Variants in SLC27A6 observed in about 807,000 individuals in gnomAD.
SLC27A6 encodes the protein long-chain fatty acid transport protein 6.
A neutral mutation model predicts 63.9 loss-of-function variants in SLC27A6; 74 were observed. The ratio of observed to expected loss-of-function variants is 1.16; its 90% CI spans 0.96 to 1.40. The LOEUF is 1.40. Ranked by LOEUF, SLC27A6 falls within the 40% of genes most tolerant of loss-of-function variation. The pLI is 0.00. For missense variants in SLC27A6, 794 were observed against 732.9 expected (o/e 1.08, Z -0.96); for synonymous variants, 287 against 260.8 (o/e 1.10, Z -0.97).
At chr5:129,005,014 C>T (rs1434136019) in intron 4 of SLC27A6, among the ~76,000 whole-genome samples, 1 of 152,176 alleles carries the variant, frequency 6.6e-6, no homozygotes, top group African/African-American at 2.4e-5. Context: ...TCCCTGGCCC[C>T]GCTAACTTTC....
chr5:129,011,614 A>G (rs1751729464), intron 4 of SLC27A6, among the ~76,000 whole-genome samples: 1 of 152,130 alleles, frequency 6.6e-6, no homozygotes, highest in Non-Finnish European at 1.5e-5. Context: ...CCTTCTGTTC[A>G]CATCTCATGT....
chr5:128,980,702 C>T (rs1750555977), intron 1 of SLC27A6, among the ~76,000 whole-genome samples: 1 of 152,134 alleles, frequency 6.6e-6, no homozygotes, highest in African/African-American at 2.4e-5. Flanking sequence ...TGTTGCTTTG[C>T]AGTATGGGAA....
chr5:128,988,991 A>G (rs967041598), intron 3 of SLC27A6, among the ~76,000 whole-genome samples: 1 of 152,156 alleles, frequency 6.6e-6, no homozygotes, highest in Non-Finnish European at 1.5e-5. Context: ...GGAGCTGGCT[A>G]TTGGCTGGGC....
At chr5:128,997,599 A>G (rs1751201465) in intron 4 of SLC27A6, among the ~76,000 whole-genome samples, 1 of 152,194 alleles carries the variant, frequency 6.6e-6, no homozygotes, top group African/African-American at 2.4e-5. Context: ...TATAAGTGCT[A>G]ATTTTAATAG....
chr5:128,966,769 G>T, intron 1 of SLC27A6, 151 bp downstream of exon 1: 1 of 828,774 alleles, frequency 1.2e-6, no homozygotes, highest in Non-Finnish European at 1.6e-6. Context: ...ATTCTATGCT[G>T]GTTTAACAAC....
At chr5:129,006,724 T>G (rs1181974) in intron 4 of SLC27A6, among the ~76,000 whole-genome samples, 37,005 of 152,068 alleles carry the variant, frequency 0.24, 5,714 homozygotes, top group Non-Finnish European at 0.35. Flanking sequence ...TTATGTAAAT[T>G]ATGTCATTTA....
chr5:128,986,760 A>G (rs1395664354), intron 2 of SLC27A6, among the ~76,000 whole-genome samples: 1 of 152,190 alleles, frequency 6.6e-6, no homozygotes, highest in Non-Finnish European at 1.5e-5. Flanking sequence ...TTAGGACAAA[A>G]GGAATGGAAC....
At chr5:128,969,561 CTGTT>C (rs1274162806) in intron 1 of SLC27A6, among the ~76,000 whole-genome samples, 3 of 152,100 alleles carry the variant, frequency 2.0e-5, no homozygotes, top group Admixed American at 6.6e-5. Context: ...ATTTGGCTCT[CTGTT>C]TGTCTGTTTT....
intron 1 of SLC27A6, among the ~76,000 whole-genome samples, chr5:128,980,378 A>C (rs896787074): frequency 6.6e-6 from 1 of 152,234 alleles, no homozygotes; most frequent in East Asian, 1.9e-4. Context: ...TGACTTGTCC[A>C]AGGTCACACA....
Position 128,994,434 on chromosome 5 carries a change from T to C in SLC27A6, c.969+3970T>C, listed in dbSNP as rs962669516. The stretch of plus-strand genomic sequence containing the variant: ...ACAAATTAGGAAAAGGAGAAAGTCA[T>C]TCTGTTATGACATCTTTTCCCTTCA... On this transcript the variant is annotated intron_variant, in intron 4 of 9. Transcript: ENST00000262462. Among the ~76,000 whole-genome samples the C allele has an allele frequency of 2.6e-5, 4 of 152,132 alleles. No individual in the cohort carries two copies. In the East Asian group the frequency reaches 5.8e-4, roughly 22 times the overall value.
At chr5:129,029,444 G>A in intron 8 of SLC27A6, 133 bp from the exon 9 acceptor site, 1 of 615,094 alleles carries the variant, frequency 1.6e-6, no homozygotes. Context: ...ATACAGACTA[G>A]TTTATGCTCC....
intron 4 of SLC27A6, among the ~76,000 whole-genome samples, chr5:129,004,866 C>T (rs1267308147): frequency 6.6e-6 from 1 of 152,190 alleles, no homozygotes. Context: ...TTTTAAAGCT[C>T]TCTTTGCTGA....
At position 128,985,009 on chromosome 5, in the gene SLC27A6, A is replaced by C. The variant is rs570690225; in HGVS notation, c.482-124A>C. On this transcript the variant is annotated intron_variant, in intron 1 of 9. Transcript: ENST00000262462. ...AAATGACTGTGATATTACTTATCCA[A>C]CATAAGAAGGAAATCAGCATTTTAT... is the stretch of plus-strand genomic sequence containing the variant. 295 of 676,692 alleles carry C rather than the reference A, an allele frequency of 4.4e-4. 7 individuals are homozygous for C. The South Asian group carries it at 5.5e-3, about 13-fold the overall frequency. 41.9% of individuals were successfully genotyped at this position (676,692 alleles called of 1,614,324 possible).
At chr5:129,014,839 T>G (rs1751839434) in intron 4 of SLC27A6, among the ~76,000 whole-genome samples, 1 of 152,228 alleles carries the variant, frequency 6.6e-6, no homozygotes, top group Admixed American at 6.5e-5. Flanking sequence ...GATTTCAGCC[T>G]TATCCATTCT....
chr5:129,010,110 C>T (rs1181972), intron 4 of SLC27A6, among the ~76,000 whole-genome samples: 36,934 of 152,076 alleles, frequency 0.24, 5,719 homozygotes, highest in Non-Finnish European at 0.35. Context: ...CTGATTTCTC[C>T]CAGTATAAAT....
At chr5:128,987,554 A>G (rs113425369) in intron 2 of SLC27A6, among the ~76,000 whole-genome samples, 2 of 152,200 alleles carry the variant, frequency 1.3e-5, no homozygotes, top group African/African-American at 4.8e-5. Context: ...GAAATTTTCA[A>G]AAAATTATTA....
At chr5:129,017,964 T>C (rs1272443092) in intron 5 of SLC27A6, among the ~76,000 whole-genome samples, 1 of 152,094 alleles carries the variant, frequency 6.6e-6, no homozygotes, top group East Asian at 1.9e-4. Context: ...CCCAACTCAT[T>C]TTTTGACTCC....
At chr5:129,012,486 T>C (rs1410862252) in intron 4 of SLC27A6, among the ~76,000 whole-genome samples, 1 of 152,166 alleles carries the variant, frequency 6.6e-6, no homozygotes, top group Non-Finnish European at 1.5e-5. Context: ...TAGGTCAAGT[T>C]GGTTAGTTTT....
chr5:129,027,286 A>C lies in SLC27A6; in HGVS notation c.1409A>C (p.Gln470Pro). The C allele has an allele frequency of 6.2e-7, 1 of 1,613,056 alleles. No individual in the cohort carries two copies. The highest frequency in any genetic ancestry group is 1.1e-5 in the South Asian group (1 of 91,066). The change falls in exon 7 of 10, where the codon CAG becomes CCG. Residue 470 changes from glutamine to proline, a missense_variant. Transcript: ENST00000262462. The part of the protein sequence containing the change: ...LNTGDLIVQD[Q>P]DNFLYFWDRT... ...ACTGGAGACTTAATAGTCCAGGATCAGGACAATTTCCTTTATTTTTGGGAC... is the reference window on the plus strand; with the variant it reads ...ACTGGAGACTTAATAGTCCAGGATCCGGACAATTTCCTTTATTTTTGGGAC...
Sources: gnomAD v4.1 joint callset for allele counts (sites outside exome capture counted in the v4.1 genomes callset) on GRCh38, gnomAD v4.1.1 for gene constraint, MANE v1.5 for transcripts, NCBI Gene and HGNC (gene_info 2026-07-23, HGNC 2026-07-21) for gene names.